IPO11: variants seen among roughly 807,000 people sequenced by gnomAD.
The protein encoded by IPO11 is importin-11.
Under a neutral mutation model 143.2 loss-of-function variants are expected in IPO11, and 66 were observed. The observed-to-expected ratio is 0.46, with a 90% confidence interval of 0.38 to 0.57. IPO11 has a LOEUF of 0.57. Among genes scored for constraint, IPO11 ranks in the 20% least tolerant of loss-of-function variants. The pLI is 0.00. For synonymous variants in IPO11, 385 were observed against 377.8 expected (o/e 1.02, Z -0.22); for missense variants, 1,026 against 1,141.0 (o/e 0.90, Z 1.45).
chr5:62,535,017 A>ATATTAATATT (rs144278450), intron 22 of IPO11, among the ~76,000 whole-genome samples: 4 of 142,620 alleles, frequency 2.8e-5, no homozygotes, highest in Non-Finnish European at 6.1e-5. Context: ...TATAATATTA[A>ATATTAATATT]TATTTATTTA....
chr5:62,453,864 G>A (rs1745027626), intron 5 of IPO11, among the ~76,000 whole-genome samples: 1 of 152,124 alleles, frequency 6.6e-6, no homozygotes, highest in South Asian at 2.1e-4. Flanking sequence ...GCTGGGTGCG[G>A]TGGCTCATGC....
chr5:62,536,781 G>T lies in IPO11; in HGVS notation c.2169G>T (p.Gln723His). The change falls in exon 23 of 30, where the codon CAG (glutamine) becomes CAT (histidine). Residue 723 changes from glutamine to histidine, a missense_variant and splice_region_variant. By Grantham distance (24) the Gln-to-His change is conservative. Transcript: ENST00000325324. ...YIFLSSTEFL[Q>H]TYAVGLCQSF... ...TTTTATCATCAACAGAATTTTTACAGGTATGTTGGAGTACTTTTGCATTAT... is the reference window on the plus strand; with the variant it reads ...TTTTATCATCAACAGAATTTTTACATGTATGTTGGAGTACTTTTGCATTAT... The T allele has an allele frequency of 6.5e-7, 1 of 1,550,146 alleles. No individual in the cohort carries two copies. The highest frequency in any genetic ancestry group is 2.2e-5 in the Admixed American group (1 of 46,330).
At chr5:62,431,130 C>T (rs548112921) in intron 1 of IPO11, among the ~76,000 whole-genome samples, 40 of 152,014 alleles carry the variant, frequency 2.6e-4, no homozygotes, top group Admixed American at 2.1e-3. Context: ...GCATGTGCTA[C>T]GGTACGCCTG....
intron 29 of IPO11, among the ~76,000 whole-genome samples, chr5:62,623,883 A>G (rs1746462288): frequency 6.6e-6 from 1 of 151,972 alleles, no homozygotes; most frequent in African/African-American, 2.4e-5. Flanking sequence ...TCAGCCTTCC[A>G]AAGTGCAGGG....
At chr5:62,495,099 T>A (rs1255431246) in intron 16 of IPO11, among the ~76,000 whole-genome samples, 1 of 152,236 alleles carries the variant, frequency 6.6e-6, no homozygotes, top group Non-Finnish European at 1.5e-5. Flanking sequence ...CAAATAGAAC[T>A]GATCTTTGGA....
At chr5:62,597,071 T>C (rs1002723530) in intron 28 of IPO11, among the ~76,000 whole-genome samples, 3 of 152,184 alleles carry the variant, frequency 2.0e-5, no homozygotes, top group African/African-American at 7.2e-5. Flanking sequence ...ATATACAATA[T>C]TTAGTTGCTT....
chr5:62,471,929 G>A (rs868215847), intron 7 of IPO11, among the ~76,000 whole-genome samples: 12 of 152,160 alleles, frequency 7.9e-5, no homozygotes, highest in Admixed American at 2.0e-4. Flanking sequence ...GAAAATGTTG[G>A]GTTAAGCATA....
intron 28 of IPO11, among the ~76,000 whole-genome samples, chr5:62,600,675 C>T (rs1163922928): frequency 6.6e-6 from 1 of 150,804 alleles, no homozygotes; most frequent in Non-Finnish European, 1.5e-5. Flanking sequence ...GCTACTTGTA[C>T]TACACTGTAT....
At chr5:62,627,051 A>AT (rs1354620102) in intron 29 of IPO11, 103 bp from the exon 30 acceptor site, 2 of 990,338 alleles carry the variant, frequency 2.0e-6, no homozygotes, top group African/African-American at 3.2e-5. Context: ...GGCAGAAGCA[A>AT]TTTTGTTACT....
rs199891845 is a variant in IPO11, at chr5:62,515,531, G to C, written c.1896+30G>C. 8 of 1,414,778 alleles carry C rather than the reference G, an allele frequency of 5.7e-6. No individual in the cohort carries two copies. The East Asian group carries it at 1.9e-4, about 34-fold the overall frequency. The allele number at this position is 1,414,778 out of a possible 1,614,324, so 87.6% of individuals were successfully genotyped here. A position where few individuals can be genotyped will look rare whatever the true frequency, so the allele number is the denominator to read the frequency against. ...GTCACTTCTCCACAGAGTTTTTTTAGTTTAGTGGTTTTTAAAAAATTCTTT... is the reference window on the plus strand; with the variant it reads ...GTCACTTCTCCACAGAGTTTTTTTACTTTAGTGGTTTTTAAAAAATTCTTT... On this transcript the variant is annotated intron_variant, in intron 20 of 29. Transcript: ENST00000325324.
chr5:62,477,918 G>A (rs562860800), intron 9 of IPO11, among the ~76,000 whole-genome samples: 34 of 152,192 alleles, frequency 2.2e-4, no homozygotes, highest in African/African-American at 7.9e-4. Flanking sequence ...CTTTATTAAA[G>A]CTTTTTAAAT....
intron 24 of IPO11, among the ~76,000 whole-genome samples, chr5:62,549,669 G>A (rs1743328563): frequency 6.6e-6 from 1 of 152,130 alleles, no homozygotes; most frequent in Non-Finnish European, 1.5e-5. Flanking sequence ...TTGCTGTTTC[G>A]TGACCACTGC....
intron 27 of IPO11, among the ~76,000 whole-genome samples, chr5:62,563,577 G>A (rs1580328617): frequency 6.6e-6 from 1 of 151,896 alleles, no homozygotes; most frequent in Non-Finnish European, 1.5e-5. Context: ...TTCAGATTTT[G>A]GATTTTTGAG....
At chr5:62,473,236 T>G (rs1441696682) in intron 7 of IPO11, among the ~76,000 whole-genome samples, 1 of 152,192 alleles carries the variant, frequency 6.6e-6, no homozygotes, top group Non-Finnish European at 1.5e-5. Context: ...GTGTTAATTG[T>G]ATTTCATCAC....
intron 20 of IPO11, among the ~76,000 whole-genome samples, chr5:62,519,297 C>T (rs866374818): frequency 1.3e-5 from 2 of 151,918 alleles, no homozygotes; most frequent in African/African-American, 4.8e-5. Flanking sequence ...GGAGTTAGTT[C>T]TTAAAGATTT....
chr5:62,414,856 T>C (rs1278988652), intron 1 of IPO11, among the ~76,000 whole-genome samples: 5 of 152,208 alleles, frequency 3.3e-5, no homozygotes, highest in African/African-American at 1.2e-4. Flanking sequence ...TATAGCATCA[T>C]TTATTTTAAT....
At chr5:62,579,818 T>C (rs1744474655) in intron 27 of IPO11, 3 of 1,545,606 alleles carry the variant, frequency 1.9e-6, no homozygotes, top group Non-Finnish European at 2.6e-6. Flanking sequence ...GATCCTGGAA[T>C]ATTTAAGGGA....
intron 5 of IPO11, among the ~76,000 whole-genome samples, chr5:62,454,008 G>C (rs1285368516): frequency 6.6e-6 from 1 of 152,042 alleles, no homozygotes; most frequent in Admixed American, 6.6e-5. Context: ...GGTGGCACGC[G>C]CCTGTAGTCC....
chr5:62,498,412 T>TTTTAGAAC (rs2112250297), intron 16 of IPO11, among the ~76,000 whole-genome samples: 1 of 152,288 alleles, frequency 6.6e-6, no homozygotes, highest in Admixed American at 6.5e-5. Context: ...AACTTCTAGG[T>TTTTAGAAC]TTTAGAACAT....
Sources: gnomAD v4.1 joint callset for allele counts (sites outside exome capture counted in the v4.1 genomes callset) on GRCh38, gnomAD v4.1.1 for gene constraint, MANE v1.5 for transcripts, NCBI Gene and HGNC (gene_info 2026-07-23, HGNC 2026-07-21) for gene names.